The following SLC35D4 variants were observed in gnomAD, a reference collection of about 807,000 sequenced individuals.
The protein encoded by SLC35D4 is solute carrier family 35 member D4, also known as UDP-N-acetylglucosamine transporter SLC35D4.
chr18:23,275,246 G>A, the SLC35D4 span, among the ~76,000 whole-genome samples: 2 of 152,074 alleles, frequency 1.3e-5, no homozygotes, highest in African/African-American at 2.4e-5. Flanking sequence ...GCACTCACAC[G>A]GCCAGGCTGC....
chr18:23,383,308 T>C, the SLC35D4 span, among the ~76,000 whole-genome samples: 1 of 150,800 alleles, frequency 6.6e-6, no homozygotes, highest in African/African-American at 2.4e-5. Flanking sequence ...AGGGAAACCC[T>C]GAAGAGGCAG....
At chr18:23,303,712 C>T in the SLC35D4 span, among the ~76,000 whole-genome samples, 13 of 148,782 alleles carry the variant, frequency 8.7e-5, no homozygotes, top group African/African-American at 3.2e-4. Flanking sequence ...ACCAGCCTGG[C>T]CAACATGGCA....
the SLC35D4 span, among the ~76,000 whole-genome samples, chr18:23,276,240 A>ACC: frequency 2.0e-5 from 3 of 151,804 alleles, no homozygotes; most frequent in African/African-American, 7.3e-5. Context: ...GGCACCCACC[A>ACC]AAACGTCCGG....
chr18:23,321,177 G>A, the SLC35D4 span, among the ~76,000 whole-genome samples: 1 of 152,184 alleles, frequency 6.6e-6, no homozygotes, highest in African/African-American at 2.4e-5. Context: ...TGGTTACTCA[G>A]TATAGCTAGG....
At chr18:23,435,265 GATAAA>G in the SLC35D4 span, among the ~76,000 whole-genome samples, 1 of 151,322 alleles carries the variant, frequency 6.6e-6, no homozygotes, top group Non-Finnish European at 1.5e-5. Flanking sequence ...TTTTTGCTTA[GATAAA>G]ATGTTTTTTA....
At chr18:23,280,706 C>T in the SLC35D4 span, among the ~76,000 whole-genome samples, 121 of 152,056 alleles carry the variant, frequency 8.0e-4, no homozygotes, top group African/African-American at 2.7e-3. Context: ...CCTTTATTCC[C>T]CAAAGCACAG....
the SLC35D4 span, among the ~76,000 whole-genome samples, chr18:23,311,097 C>G: frequency 6.6e-6 from 1 of 151,276 alleles, no homozygotes; most frequent in Non-Finnish European, 1.5e-5. Context: ...TCCCTCTTTT[C>G]TCTTCCCTTT....
the SLC35D4 span, among the ~76,000 whole-genome samples, chr18:23,382,040 C>T: frequency 1.3e-5 from 2 of 151,964 alleles, no homozygotes; most frequent in Admixed American, 6.6e-5. Flanking sequence ...GAGTTCAAGA[C>T]CAGTCTGGCT....
the SLC35D4 span, among the ~76,000 whole-genome samples, chr18:23,361,531 C>T: frequency 1.3e-5 from 2 of 152,098 alleles, no homozygotes; most frequent in African/African-American, 2.4e-5. Context: ...CTTATAAGCC[C>T]GACTTTCTGT....
chr18:23,365,511 G>T, the SLC35D4 span: 1 of 1,145,574 alleles, frequency 8.7e-7, no homozygotes, highest in Non-Finnish European at 1.2e-6. Context: ...GGACCTTCCT[G>T]CCCTCTCAGT....
At chr18:23,386,124 C>CA in the SLC35D4 span, among the ~76,000 whole-genome samples, 2,331 of 39,660 alleles carry the variant, frequency 0.059, 172 homozygotes, top group African/African-American at 0.17. Flanking sequence ...GACTCTGTCT[C>CA]AAAAAAAAAA....
At chr18:23,430,687 A>G in the SLC35D4 span, 2 of 1,610,882 alleles carry the variant, frequency 1.2e-6, no homozygotes, top group Non-Finnish European at 8.5e-7. Flanking sequence ...ACTGAAAAAC[A>G]AACACCAAAT....
the SLC35D4 span, among the ~76,000 whole-genome samples, chr18:23,268,668 C>A: frequency 6.6e-6 from 1 of 152,064 alleles, no homozygotes; most frequent in East Asian, 1.9e-4. Context: ...GACGCTGGGG[C>A]AGCAGGACTA....
chr18:23,388,987 C>CTTTTT, the SLC35D4 span, among the ~76,000 whole-genome samples: 34 of 126,164 alleles, frequency 2.7e-4, no homozygotes, highest in African/African-American at 3.7e-4. Context: ...TCAAGTAGTT[C>CTTTTT]TTTTTTTTTT....
At chr18:23,294,368 A>G in the SLC35D4 span, among the ~76,000 whole-genome samples, 82 of 152,274 alleles carry the variant, frequency 5.4e-4, no homozygotes, top group Non-Finnish European at 9.7e-4. Flanking sequence ...TCCACTGTTC[A>G]GGTCTGTGGG....
At chr18:23,326,849 T>G in the SLC35D4 span, among the ~76,000 whole-genome samples, 1 of 152,180 alleles carries the variant, frequency 6.6e-6, no homozygotes, top group African/African-American at 2.4e-5. Context: ...CACAACAAAC[T>G]GTCTCTCAGA....
the SLC35D4 span, among the ~76,000 whole-genome samples, chr18:23,412,341 C>A: frequency 1.3e-5 from 2 of 152,100 alleles, no homozygotes; most frequent in African/African-American, 4.8e-5. Flanking sequence ...CAAAAAGAAA[C>A]CAAGGTTCAT....
At chr18:23,359,265 A>G in the SLC35D4 span, among the ~76,000 whole-genome samples, 1 of 151,870 alleles carries the variant, frequency 6.6e-6, no homozygotes, top group Non-Finnish European at 1.5e-5. Flanking sequence ...GGTGCCTGTA[A>G]TCCCAGCTAC....
At chr18:23,289,347 CT>C in the SLC35D4 span, among the ~76,000 whole-genome samples, 5 of 152,228 alleles carry the variant, frequency 3.3e-5, no homozygotes, top group Non-Finnish European at 7.3e-5. Flanking sequence ...TTTAATACCT[CT>C]TTTTCTCCTT....
Sources: gnomAD v4.1 joint callset for allele counts (sites outside exome capture counted in the v4.1 genomes callset) on GRCh38, gnomAD v4.1.1 for gene constraint, MANE v1.5 for transcripts, NCBI Gene and HGNC (gene_info 2026-07-23, HGNC 2026-07-21) for gene names.